Variants in PARN observed in about 807,000 individuals in gnomAD.
PARN encodes the protein poly(A)-specific ribonuclease, also known as poly(A)-specific ribonuclease PARN.
A neutral mutation model predicts 102.8 loss-of-function variants in PARN; 71 were observed. The observed-to-expected ratio is 0.69, with a 90% CI of 0.57 to 0.84. PARN has a LOEUF of 0.84. Among genes scored for constraint, PARN ranks in the 40% least tolerant of loss-of-function variants. The pLI is 0.00. For synonymous variants in PARN, 261 were observed against 252.9 expected, an observed-to-expected ratio of 1.03 and a Z score of -0.30; for missense variants, 782 against 760.9, an observed-to-expected ratio of 1.03 and a Z score of -0.33.
At chr16:14,516,180 G>T (rs138149823) in intron 21 of PARN, among the ~76,000 whole-genome samples, 50 of 151,564 alleles carry the variant, frequency 3.3e-4, no homozygotes, top group Non-Finnish European at 6.8e-4. Context: ...AACCAAAAAA[G>T]AATTAAATTA....
chr16:14,476,029 C>A (rs1451984014), intron 22 of PARN, among the ~76,000 whole-genome samples: 1 of 151,982 alleles, frequency 6.6e-6, no homozygotes, highest in South Asian at 2.1e-4. Flanking sequence ...TGAAGTAGTA[C>A]ATTTTTTACT....
intron 21 of PARN, among the ~76,000 whole-genome samples, chr16:14,543,330 A>C (rs1966852825): frequency 6.6e-6 from 1 of 152,256 alleles, no homozygotes; most frequent in African/African-American, 2.4e-5. Flanking sequence ...TAAATTCACA[A>C]AGCTGAAGGA....
intron 18 of PARN, among the ~76,000 whole-genome samples, chr16:14,569,069 G>A (rs1167026449): frequency 5.9e-5 from 9 of 151,532 alleles, no homozygotes; most frequent in East Asian, 1.9e-4. Context: ...AAAATTTGCC[G>A]GGTATGGTGG....
At chr16:14,457,751 T>C (rs1269180931) in intron 22 of PARN, among the ~76,000 whole-genome samples, 3 of 125,602 alleles carry the variant, frequency 2.4e-5, no homozygotes, top group Non-Finnish European at 4.7e-5. Context: ...TGAGCCAATA[T>C]CGCACCATTG....
chr16:14,510,084 A>AT (rs1390735304), intron 21 of PARN, among the ~76,000 whole-genome samples: 3 of 152,190 alleles, frequency 2.0e-5, no homozygotes, highest in Non-Finnish European at 2.9e-5. Context: ...CGGATCACCT[A>AT]AAGATTCCTC....
chr16:14,554,375 A>C (rs1040235832), intron 19 of PARN, among the ~76,000 whole-genome samples: 5 of 152,118 alleles, frequency 3.3e-5, no homozygotes, highest in Admixed American at 2.6e-4. Context: ...CTTGAACCCA[A>C]TGCAAAGGCA....
At chr16:14,621,432 G>A (rs1276863245) in intron 5 of PARN, among the ~76,000 whole-genome samples, 1 of 152,188 alleles carries the variant, frequency 6.6e-6, no homozygotes, top group Non-Finnish European at 1.5e-5. Flanking sequence ...TAGTGTCAAT[G>A]TACTTAATGC....
chr16:14,468,879 A>ATAGATAGC (rs1308041830), intron 22 of PARN, among the ~76,000 whole-genome samples: 2 of 12,696 alleles, frequency 1.6e-4, no homozygotes, highest in African/African-American at 5.9e-4. Context: ...CCATTACTAA[A>ATAGATAGC]TAGATAGATA....
At chr16:14,507,124 C>T (rs1425670102) in intron 21 of PARN, among the ~76,000 whole-genome samples, 4 of 150,228 alleles carry the variant, frequency 2.7e-5, no homozygotes, top group Non-Finnish European at 3.0e-5. Flanking sequence ...GTCAGGAGTT[C>T]GAGACCAGCC....
intron 23 of PARN, among the ~76,000 whole-genome samples, chr16:14,443,144 T>C (rs1961020556): frequency 6.6e-6 from 1 of 152,196 alleles, no homozygotes. Context: ...CAATAAAGGA[T>C]GTTCCTAGCA....
At chr16:14,610,609 C>T (rs1184270847) in intron 7 of PARN, 35 bp downstream of exon 7, 2 of 1,386,168 alleles carry the variant, frequency 1.4e-6, no homozygotes, top group Non-Finnish European at 2.1e-6. Flanking sequence ...ATATATAGCA[C>T]ACAATGCACG....
intron 22 of PARN, among the ~76,000 whole-genome samples, chr16:14,463,901 C>G (rs1214789073): frequency 6.8e-6 from 1 of 146,234 alleles, no homozygotes; most frequent in Non-Finnish European, 1.5e-5. Context: ...GACACAATCA[C>G]AGCTCACTGC....
At chr16:14,447,918 G>A (rs1164015319) in intron 22 of PARN, among the ~76,000 whole-genome samples, 1 of 151,748 alleles carries the variant, frequency 6.6e-6, no homozygotes, top group Non-Finnish European at 1.5e-5. Flanking sequence ...CTTTTCCTAG[G>A]AGGTGGGTAC....
intron 11 of PARN, among the ~76,000 whole-genome samples, chr16:14,602,399 G>A (rs934167982): frequency 2.0e-5 from 3 of 152,072 alleles, no homozygotes; most frequent in Admixed American, 1.3e-4. Context: ...CTCTGCCAAT[G>A]ACAATCATGC....
intron 5 of PARN, among the ~76,000 whole-genome samples, chr16:14,622,905 ACGAGCCAAGG>A (rs1460213294): frequency 6.6e-6 from 1 of 151,980 alleles, no homozygotes; most frequent in Non-Finnish European, 1.5e-5. Context: ...GGAGTTCAAG[ACGAGCCAAGG>A]CAACATGGTA....
chr16:14,533,837 C>T (rs732459), intron 21 of PARN, among the ~76,000 whole-genome samples: 33,021 of 152,148 alleles, frequency 0.22, 3,954 homozygotes, highest in Middle Eastern at 0.31. Flanking sequence ...TACACACCTG[C>T]CTGCACCACA....
intron 21 of PARN, among the ~76,000 whole-genome samples, chr16:14,512,767 T>C (rs535111619): frequency 2.6e-5 from 4 of 152,178 alleles, no homozygotes; most frequent in Non-Finnish European, 5.9e-5. Context: ...CTCTGATATG[T>C]TTATCCATAC....
intron 23 of PARN, among the ~76,000 whole-genome samples, chr16:14,443,722 G>C (rs1299543798): frequency 1.3e-5 from 2 of 152,202 alleles, no homozygotes; most frequent in Non-Finnish European, 1.5e-5. Context: ...GGATATTCCA[G>C]CGTCCTAATT....
chr16:14,461,601 A>G (rs1961980351), intron 22 of PARN, among the ~76,000 whole-genome samples: 1 of 152,216 alleles, frequency 6.6e-6, no homozygotes, highest in Non-Finnish European at 1.5e-5. Context: ...TTCCTCATTT[A>G]TGCTGATAAG....
Sources: allele counts gnomAD v4.1 joint callset (sites outside exome capture counted in the v4.1 genomes callset), GRCh38; gene constraint gnomAD v4.1.1; transcripts MANE v1.5; gene names NCBI Gene and HGNC (gene_info 2026-07-23, HGNC 2026-07-21).